The following FOXN3 variants were observed in gnomAD, a reference collection of about 807,000 sequenced individuals.
The protein encoded by FOXN3 is forkhead box protein N3.
Under a neutral mutation model 38.4 loss-of-function variants are expected in FOXN3, and 7 were observed. The ratio of observed to expected loss-of-function variants is 0.18; its 90% CI spans 0.10 to 0.34. The LOEUF (loss-of-function observed/expected upper bound fraction) is 0.34, where lower values mean the gene tolerates loss of function less well. Among genes scored for constraint, FOXN3 ranks in the 10% least tolerant of loss-of-function variants. The pLI is 1.00. For missense variants in FOXN3, 456 were observed against 613.4 expected, an observed-to-expected ratio of 0.74 and a Z score of 2.71; for synonymous variants, 230 against 242.2, an observed-to-expected ratio of 0.95 and a Z score of 0.47.
At chr14:89,564,879 G>A (rs887025488) in intron 1 of FOXN3, among the ~76,000 whole-genome samples, 4 of 151,964 alleles carry the variant, frequency 2.6e-5, no homozygotes, top group African/African-American at 9.7e-5. Flanking sequence ...GATCACCCAA[G>A]GTCAGGAGTT....
chr14:89,490,583 C>T (rs995717191), intron 1 of FOXN3, among the ~76,000 whole-genome samples: 2 of 152,172 alleles, frequency 1.3e-5, no homozygotes, highest in African/African-American at 4.8e-5. Context: ...AATTTAGCTC[C>T]CTGAGGTTCC....
At chr14:89,511,265 TTC>T (rs1491194175) in intron 1 of FOXN3, among the ~76,000 whole-genome samples, 20 of 58,860 alleles carry the variant, frequency 3.4e-4, no homozygotes, top group African/African-American at 9.8e-4. Context: ...CTTTCTTTCT[TTC>T]TTTCTTTCTT....
chr14:89,340,547 C>A (rs928929979), intron 3 of FOXN3, among the ~76,000 whole-genome samples: 7 of 152,086 alleles, frequency 4.6e-5, no homozygotes, highest in Non-Finnish European at 1.0e-4. Flanking sequence ...TAATGCAACA[C>A]GAACCTTATG....
At chr14:89,188,172 A>G (rs1293231083) in intron 4 of FOXN3, among the ~76,000 whole-genome samples, 1 of 152,194 alleles carries the variant, frequency 6.6e-6, no homozygotes, top group Admixed American at 6.5e-5. Context: ...GCTTCAAAAC[A>G]TGAACACTGA....
At position 89,378,785 on chromosome 14, in the gene FOXN3, C is replaced by T. The variant is rs187140265; in HGVS notation, c.544-27977G>A. Among the ~76,000 whole-genome samples, 426 of 150,528 alleles carry T rather than the reference C, an allele frequency of 2.8e-3. 3 individuals are homozygous for T. Among genetic ancestry groups the T allele is most frequent in the Middle Eastern group, 6.9e-3 (2 of 288 alleles). On this transcript the variant is annotated intron_variant, in intron 2 of 5. Coordinates refer to ENST00000557258, the MANE Select transcript of FOXN3 (RefSeq NM_005197.4). ...TGAGTGGTGCAACCTCAGCTCACTG[C>T]AACCTCTGCCTCCCAGGTTCAAGTG...
chr14:89,577,494 A>G (rs1427074573), intron 1 of FOXN3: 1 of 152,224 alleles, frequency 6.6e-6, no homozygotes, highest in African/African-American at 2.4e-5. Context: ...AAAAACCTGC[A>G]AATTCATGGC....
intron 1 of FOXN3, among the ~76,000 whole-genome samples, chr14:89,530,400 C>A (rs1270865363): frequency 6.6e-6 from 1 of 152,062 alleles, no homozygotes; most frequent in Non-Finnish European, 1.5e-5. Context: ...CTTTATAAAA[C>A]CATCAGATCT....
chr14:89,255,905 G>C lies in FOXN3; in HGVS notation c.745+25045C>G, dbSNP rs532982169. The stretch of plus-strand genomic sequence containing the variant: ...CCCTGCCATTACCCTTCTACAACCA[G>C]CCTCCAGTGGCTCTCACACTTTCGT... On this transcript the variant is annotated intron_variant, in intron 4 of 5. Transcript: ENST00000557258. Among the ~76,000 whole-genome samples the C allele has an allele frequency of 2.6e-5, 4 of 152,252 alleles. No homozygotes were observed. In the South Asian group the frequency reaches 8.3e-4, roughly 32 times the overall value.
At position 89,301,257 on chromosome 14, in the gene FOXN3, G is replaced by A. The variant is rs184363294; in HGVS notation, c.681-20243C>T. On this transcript the variant is annotated intron_variant, in intron 3 of 5. Transcript: ENST00000557258. ...AGACTGAGGCAGGAAGACTGCTTGA[G>A]CCCAGGAGTTTGAGACCAGCTTGGG... Among the ~76,000 whole-genome samples, 403 of 151,734 alleles carry A rather than the reference G, an allele frequency of 2.7e-3. 3 individuals carry two copies. The highest frequency in any genetic ancestry group is 9.4e-3 in the African/African-American group (387 of 41,344).
intron 1 of FOXN3, among the ~76,000 whole-genome samples, chr14:89,435,993 T>G (rs1363852198): frequency 7.0e-6 from 1 of 142,340 alleles, no homozygotes; most frequent in Non-Finnish European, 1.5e-5. Flanking sequence ...ACATCCTTCA[T>G]CACTCATTTT....
At chr14:89,383,938 C>T (rs910987518) in intron 2 of FOXN3, among the ~76,000 whole-genome samples, 3 of 151,756 alleles carry the variant, frequency 2.0e-5, no homozygotes, top group Non-Finnish European at 2.9e-5. Flanking sequence ...TACAGGTGCC[C>T]ACCACCATGC....
intron 1 of FOXN3, among the ~76,000 whole-genome samples, chr14:89,494,715 C>T (rs190098637): frequency 1.3e-5 from 2 of 152,340 alleles, no homozygotes; most frequent in Admixed American, 1.3e-4. Flanking sequence ...GAGTTGTTCT[C>T]CCTTCCAAGT....
intron 1 of FOXN3, among the ~76,000 whole-genome samples, chr14:89,451,128 G>A (rs1892605557): frequency 6.6e-6 from 1 of 151,956 alleles, no homozygotes; most frequent in Admixed American, 6.5e-5. Context: ...AAGCTAATCG[G>A]CAAGGGACAG....
At chr14:89,456,710 C>G (rs1348009527) in intron 1 of FOXN3, among the ~76,000 whole-genome samples, 1 of 152,156 alleles carries the variant, frequency 6.6e-6, no homozygotes, top group Admixed American at 6.5e-5. Flanking sequence ...GAGCCAAGAT[C>G]GCACCACTGC....
intron 2 of FOXN3, among the ~76,000 whole-genome samples, chr14:89,359,308 A>T (rs1217157874): frequency 9.5e-5 from 8 of 84,398 alleles, no homozygotes; most frequent in African/African-American, 5.1e-4. Context: ...AATAAAATTA[A>T]AAAAAAAAAA....
At chr14:89,547,136 T>C (rs1894903670) in intron 1 of FOXN3, among the ~76,000 whole-genome samples, 1 of 152,346 alleles carries the variant, frequency 6.6e-6, no homozygotes, top group South Asian at 2.1e-4. Context: ...GGCTCACGCC[T>C]GTAATCAGAT....
intron 1 of FOXN3, among the ~76,000 whole-genome samples, chr14:89,505,975 G>T (rs1287726143): frequency 1.3e-5 from 2 of 151,156 alleles, no homozygotes; most frequent in Non-Finnish European, 3.0e-5. Flanking sequence ...CCCCGTCTGA[G>T]AAGTGAGGAG....
intron 1 of FOXN3, among the ~76,000 whole-genome samples, chr14:89,502,982 G>A (rs1483534154): frequency 6.6e-6 from 1 of 152,154 alleles, no homozygotes; most frequent in Non-Finnish European, 1.5e-5. Flanking sequence ...TGAAGTGCTT[G>A]AAAATCTCTT....
chr14:89,311,130 C>CT (rs1463880621), intron 3 of FOXN3, among the ~76,000 whole-genome samples: 1 of 144,468 alleles, frequency 6.9e-6, no homozygotes, highest in Non-Finnish European at 1.5e-5. Flanking sequence ...AACCTGACAT[C>CT]TTTTAAAAAA....
Sources: allele counts gnomAD v4.1 joint callset (sites outside exome capture counted in the v4.1 genomes callset), GRCh38; gene constraint gnomAD v4.1.1; transcripts MANE v1.5; gene names NCBI Gene and HGNC (gene_info 2026-07-23, HGNC 2026-07-21).